Variants in SMIM13 observed in about 807,000 individuals in gnomAD.
SMIM13 encodes the protein small integral membrane protein 13.
A neutral mutation model predicts 5.9 loss-of-function variants in SMIM13; 3 were observed. That is an observed-to-expected ratio of 0.51 (90% confidence interval 0.23 to 1.31). SMIM13 has a LOEUF of 1.31. Ranked by LOEUF, SMIM13 falls within the 40% of genes most tolerant of loss-of-function variation. SMIM13 has a pLI of 0.18. For synonymous variants in SMIM13, 55 were observed against 46.0 expected (o/e 1.19, Z -0.79); for missense variants, 85 against 109.9 (o/e 0.77, Z 1.01).
chr6:11,111,678 A>G (rs1417074167), intron 1 of SMIM13: 1 of 152,260 alleles, frequency 6.6e-6, no homozygotes, highest in Admixed American at 6.5e-5. Flanking sequence ...GTGTCTTACC[A>G]CTAGGGAAGG....
intron 1 of SMIM13, among the ~76,000 whole-genome samples, chr6:11,107,793 G>C (rs748224448): frequency 6.6e-6 from 1 of 152,178 alleles, no homozygotes. Context: ...AAGATGGGGT[G>C]TTATAGGGTA....
chr6:11,109,383 G>T (rs1758136625), intron 1 of SMIM13, among the ~76,000 whole-genome samples: 1 of 152,228 alleles, frequency 6.6e-6, no homozygotes, highest in South Asian at 2.1e-4. Flanking sequence ...ACTTAAGGAG[G>T]TGGTGTCCAG....
intron 1 of SMIM13, among the ~76,000 whole-genome samples, chr6:11,134,199 G>A (rs1758488390): frequency 6.6e-6 from 1 of 151,976 alleles, no homozygotes; most frequent in Admixed American, 6.6e-5. Context: ...ATTCTATGAG[G>A]GTAGAGACTG....
chr6:11,117,157 A>ATTTTTTTTTTTTT (rs1341431576), intron 1 of SMIM13, among the ~76,000 whole-genome samples: 47 of 116,922 alleles, frequency 4.0e-4, no homozygotes, highest in Non-Finnish European at 5.4e-4. Context: ...CGCCCGGCTA[A>ATTTTTTTTTTTTT]TTTTTGTATT....
intron 1 of SMIM13, among the ~76,000 whole-genome samples, chr6:11,125,343 T>C (rs1162368704): frequency 1.4e-5 from 2 of 143,670 alleles, no homozygotes; most frequent in African/African-American, 2.6e-5. Flanking sequence ...CGCCTGTAAT[T>C]CCAGCACTTT....
At chr6:11,115,308 T>C (rs1758222893) in intron 1 of SMIM13, among the ~76,000 whole-genome samples, 1 of 152,224 alleles carries the variant, frequency 6.6e-6, no homozygotes, top group East Asian at 1.9e-4. Context: ...CTGGCTTAGC[T>C]GGGTCCTCTG....
intron 1 of SMIM13, among the ~76,000 whole-genome samples, chr6:11,112,516 G>A (rs1256164915): frequency 6.6e-6 from 1 of 152,132 alleles, no homozygotes. Flanking sequence ...GCCTCCCAAA[G>A]TGCTGGGATT....
Position 11,138,171 on chromosome 6 carries a change from A to G in SMIM13, c.*3569A>G, listed in dbSNP as rs952000724. ...GACTGGTAAACTTAAAGTGCTTTTT[A>G]TATTTGAGGTTGACTTTAAAAAGCC... On this transcript the variant is annotated 3_prime_UTR_variant, in exon 2 of 2. Coordinates refer to ENST00000416247, the MANE Select transcript of SMIM13 (RefSeq NM_001135575.2). 2 of 152,156 alleles carry G rather than the reference A, an allele frequency of 1.3e-5. No homozygotes were observed. The highest frequency in any genetic ancestry group is 2.4e-5 in the African/African-American group (1 of 41,444). The allele number at this position is 152,156 out of a possible 1,614,324, so 9.4% of individuals were successfully genotyped here.
At chr6:11,114,592 C>CTTTTTTTTTTTTT (rs58585640) in intron 1 of SMIM13, among the ~76,000 whole-genome samples, 9 of 21,846 alleles carry the variant, frequency 4.1e-4, no homozygotes, top group Non-Finnish European at 5.9e-4. Flanking sequence ...CACTTTTTCT[C>CTTTTTTTTTTTTT]TTTTTTTTTT....
chr6:11,111,371 A>C (rs1758163967), intron 1 of SMIM13, among the ~76,000 whole-genome samples: 2 of 152,118 alleles, frequency 1.3e-5, no homozygotes, highest in Non-Finnish European at 2.9e-5. Context: ...TTAGTTGAAA[A>C]AGCAGAGGAA....
chr6:11,104,066 T>C, intron 1 of SMIM13: 1 of 1,551,752 alleles, frequency 6.4e-7, no homozygotes, highest in African/African-American at 1.4e-5. Flanking sequence ...CTCGACGATT[T>C]TGAAGGACTA....
rs1234153784 is a variant in SMIM13 at position 11,107,174 on chromosome 6, ATAAATTTGGT to A, written c.76+12789_76+12798del. On this transcript the variant is annotated intron_variant, in intron 1 of 1. Transcript: ENST00000416247. ...GATCTTTTAAATCTTCCTGGCTGGC[ATAAATTTGGT>A]TAAGTATCTCACAACACAAATGTGG... Among the ~76,000 whole-genome samples the A allele has an allele frequency of 3.9e-5, 6 of 152,332 alleles. No homozygotes were observed. In the South Asian group the frequency reaches 1.2e-3, roughly 32 times the overall value.
At chr6:11,094,428 C>G (rs1581907075) in intron 1 of SMIM13, 39 bp downstream of exon 1, 2 of 1,476,744 alleles carry the variant, frequency 1.4e-6, no homozygotes, top group Non-Finnish European at 1.8e-6. Context: ...TTCCACACGC[C>G]GGGTCGCTGA....
At chr6:11,129,727 A>G (rs1758427119) in intron 1 of SMIM13, among the ~76,000 whole-genome samples, 3 of 151,862 alleles carry the variant, frequency 2.0e-5, no homozygotes, top group Admixed American at 2.0e-4. Context: ...TGGTTGCTCT[A>G]GCTTTTTGGT....
chr6:11,114,232 G>A lies in SMIM13; in HGVS notation c.76+19843G>A, dbSNP rs145325413. Among the ~76,000 whole-genome samples the A allele has an allele frequency of 4.3e-4, 66 of 152,078 alleles. No homozygotes were observed. In the East Asian group the frequency reaches 0.01, roughly 24 times the overall value. Reference sequence around the variant, plus strand: ...TGATCTCAAGTGATCTACCTGCCTCGCCCTCCCAAAGTGTTGGGATTACAG... The same window carrying A: ...TGATCTCAAGTGATCTACCTGCCTCACCCTCCCAAAGTGTTGGGATTACAG... On this transcript the variant is annotated intron_variant, in intron 1 of 1. Transcript: ENST00000416247.
At chr6:11,123,824 A>G (rs565971311) in intron 1 of SMIM13, among the ~76,000 whole-genome samples, 2 of 152,310 alleles carry the variant, frequency 1.3e-5, no homozygotes, top group East Asian at 1.9e-4. Context: ...AAACATTTCA[A>G]ATCTTCTAGC....
intron 1 of SMIM13, among the ~76,000 whole-genome samples, chr6:11,109,692 T>C (rs1280722424): frequency 6.6e-6 from 1 of 152,230 alleles, no homozygotes; most frequent in Non-Finnish European, 1.5e-5. Context: ...TGGCCAAGAT[T>C]CCTGGTCCTA....
At chr6:11,105,283 G>T (rs767702497) in intron 1 of SMIM13, 2 of 1,613,942 alleles carry the variant, frequency 1.2e-6, no homozygotes, top group Non-Finnish European at 1.7e-6. Flanking sequence ...GAAGGCGTGA[G>T]AATGAGAACC....
intron 1 of SMIM13, among the ~76,000 whole-genome samples, chr6:11,096,903 T>G (rs1757931760): frequency 6.6e-6 from 1 of 152,042 alleles, no homozygotes; most frequent in South Asian, 2.1e-4. Context: ...GTTGGCCAGG[T>G]TGGTCTCGAA....
Sources: allele counts gnomAD v4.1 joint callset (sites outside exome capture counted in the v4.1 genomes callset), GRCh38; gene constraint gnomAD v4.1.1; transcripts MANE v1.5; gene names NCBI Gene and HGNC (gene_info 2026-07-23, HGNC 2026-07-21).